SLC35F3: variants seen among roughly 807,000 people sequenced by gnomAD.
The protein encoded by SLC35F3 is putative thiamine transporter SLC35F3.
A neutral mutation model predicts 49.9 loss-of-function variants in SLC35F3; 25 were observed. That is an observed-to-expected ratio of 0.50 (90% CI 0.37 to 0.70). SLC35F3 has a LOEUF of 0.70. SLC35F3 is among the 30% of genes least tolerant of loss of function. The pLI, the probability that SLC35F3 is intolerant of heterozygous loss-of-function variation, is 0.00. For missense variants in SLC35F3, 525 were observed against 639.8 expected (o/e 0.82, Z 1.94); for synonymous variants, 275 against 265.4 (o/e 1.04, Z -0.35).
At chr1:234,115,514 C>G (rs966240877) in intron 2 of SLC35F3, among the ~76,000 whole-genome samples, 1 of 152,188 alleles carries the variant, frequency 6.6e-6, no homozygotes, top group African/African-American at 2.4e-5. Context: ...ACCACCCACT[C>G]TTGGAATCCA....
At chr1:234,025,281 T>C (rs573422294) in intron 2 of SLC35F3, among the ~76,000 whole-genome samples, 9 of 152,386 alleles carry the variant, frequency 5.9e-5, no homozygotes, top group African/African-American at 2.2e-4. Context: ...AAGGAACTTA[T>C]AAGTGCATAT....
chr1:234,110,375 C>T (rs114574226), intron 2 of SLC35F3, among the ~76,000 whole-genome samples: 1,604 of 152,276 alleles, frequency 0.011, 12 homozygotes, highest in Non-Finnish European at 0.016. Context: ...TCAAATCAGC[C>T]GACAGGAGGC....
chr1:234,291,941 C>T (rs746945406), intron 3 of SLC35F3, among the ~76,000 whole-genome samples: 4 of 152,114 alleles, frequency 2.6e-5, no homozygotes, highest in Admixed American at 6.5e-5. Context: ...ATGAGAGTAA[C>T]GGGATCAAGA....
chr1:234,121,281 C>G (rs1392128668), intron 2 of SLC35F3, among the ~76,000 whole-genome samples: 3 of 151,702 alleles, frequency 2.0e-5, no homozygotes, highest in Non-Finnish European at 4.4e-5. Flanking sequence ...GGATTACAGG[C>G]GCCCGCCACC....
intron 2 of SLC35F3, among the ~76,000 whole-genome samples, chr1:234,088,283 C>T (rs1353903730): frequency 6.6e-6 from 1 of 152,226 alleles, no homozygotes; most frequent in Non-Finnish European, 1.5e-5. Flanking sequence ...TCTCGGCTCA[C>T]TGCAACCTCC....
intron 2 of SLC35F3, among the ~76,000 whole-genome samples, chr1:234,056,410 T>G (rs1664457422): frequency 6.6e-6 from 1 of 152,182 alleles, no homozygotes. Flanking sequence ...CTATTTAATA[T>G]GTACAACTCA....
chr1:234,080,130 G>A (rs919220789), intron 2 of SLC35F3, among the ~76,000 whole-genome samples: 2 of 152,112 alleles, frequency 1.3e-5, no homozygotes, highest in African/African-American at 4.8e-5. Context: ...GAGGCTGAGC[G>A]TTCACTTAAT....
intron 2 of SLC35F3, among the ~76,000 whole-genome samples, chr1:234,016,239 T>C (rs1414913959): frequency 6.6e-6 from 1 of 152,150 alleles, no homozygotes; most frequent in Non-Finnish European, 1.5e-5. Flanking sequence ...ACAGCCATTA[T>C]GGAAAACTGA....
intron 2 of SLC35F3, among the ~76,000 whole-genome samples, chr1:234,205,889 A>G (rs1261356271): frequency 6.6e-6 from 1 of 150,716 alleles, no homozygotes; most frequent in Non-Finnish European, 1.5e-5. Context: ...TGAGATGACC[A>G]GGGGACCTGG....
chr1:234,002,663 A>G (rs1481501857), intron 2 of SLC35F3, among the ~76,000 whole-genome samples: 1 of 152,096 alleles, frequency 6.6e-6, no homozygotes, highest in Non-Finnish European at 1.5e-5. Context: ...CCCCACTATA[A>G]AGTTACTCTT....
At chr1:233,940,261 G>GA (rs932168029) in intron 2 of SLC35F3, among the ~76,000 whole-genome samples, 1 of 151,614 alleles carries the variant, frequency 6.6e-6, no homozygotes, top group Non-Finnish European at 1.5e-5. Flanking sequence ...AATCACAGAG[G>GA]AAAAAAAGCA....
chr1:234,000,233 C>T (rs1326928794), intron 2 of SLC35F3, among the ~76,000 whole-genome samples: 5 of 152,152 alleles, frequency 3.3e-5, no homozygotes, highest in Admixed American at 6.5e-5. Flanking sequence ...CTCCCTATTC[C>T]TAGTGCAATA....
At chr1:234,099,607 TA>T (rs34510298) in intron 2 of SLC35F3, among the ~76,000 whole-genome samples, 104 of 87,644 alleles carry the variant, frequency 1.2e-3, no homozygotes, top group East Asian at 3.2e-3. Context: ...AGACTCTGTC[TA>T]AAAAAAAAAA....
chr1:234,134,783 G>A (rs150319171), intron 2 of SLC35F3, among the ~76,000 whole-genome samples: 33 of 152,150 alleles, frequency 2.2e-4, no homozygotes, highest in African/African-American at 5.8e-4. Context: ...GTGCAGTGGC[G>A]CAATCTTGGT....
At chr1:234,008,031 G>A (rs931131700) in intron 2 of SLC35F3, among the ~76,000 whole-genome samples, 14 of 152,212 alleles carry the variant, frequency 9.2e-5, no homozygotes, top group Non-Finnish European at 4.4e-5. Flanking sequence ...TATCTTCTCT[G>A]TATTCCACAT....
At chr1:233,927,513 T>C (rs971542407) in intron 2 of SLC35F3, among the ~76,000 whole-genome samples, 4 of 152,146 alleles carry the variant, frequency 2.6e-5, no homozygotes, top group African/African-American at 9.7e-5. Context: ...TAAAAAAATT[T>C]CCGTCCATTT....
chr1:234,090,344 C>T (rs1461295195), intron 2 of SLC35F3, among the ~76,000 whole-genome samples: 1 of 152,274 alleles, frequency 6.6e-6, no homozygotes, highest in African/African-American at 2.4e-5. Flanking sequence ...GCACATACTG[C>T]TGTCACAGAT....
intron 2 of SLC35F3, among the ~76,000 whole-genome samples, chr1:234,101,874 A>G (rs1572052566): frequency 6.6e-6 from 1 of 152,222 alleles, no homozygotes; most frequent in Admixed American, 6.5e-5. Flanking sequence ...AAAGTATTTT[A>G]TTTTGCTGTA....
At position 234,108,245 on chromosome 1, in the gene SLC35F3, A is replaced by T. The variant is rs190314023; in HGVS notation, c.284-123172A>T. On this transcript the variant is annotated intron_variant, in intron 2 of 7. Coordinates refer to ENST00000366618, the MANE Select transcript of SLC35F3 (RefSeq NM_173508.4). ...AAAGATATATATATTTATATATATA[A>T]AAGATATATATATTTATATATATAA... Among the ~76,000 whole-genome samples the T allele has an allele frequency of 2.5e-4, 17 of 67,094 alleles. No homozygotes were observed. In the South Asian group the frequency reaches 5.3e-3, roughly 21 times the overall value. 44.0% of individuals were successfully genotyped at this position (67,094 alleles called of 152,430 possible).
Sources: allele counts gnomAD v4.1 joint callset (sites outside exome capture counted in the v4.1 genomes callset), GRCh38; gene constraint gnomAD v4.1.1; transcripts MANE v1.5; gene names NCBI Gene and HGNC (gene_info 2026-07-23, HGNC 2026-07-21).